SIN3A: variants seen among roughly 807,000 people sequenced by gnomAD.
SIN3A encodes paired amphipathic helix protein Sin3a.
Under a neutral mutation model 146.1 loss-of-function variants are expected in SIN3A, and 14 were observed. That is an observed-to-expected ratio of 0.10 (90% CI 0.06 to 0.15). The LOEUF (loss-of-function observed/expected upper bound fraction) is 0.15. Among genes scored for constraint, SIN3A ranks in the 10% least tolerant of loss-of-function variants. The pLI is 1.00. For missense variants in SIN3A, 1,028 were observed against 1,576.0 expected (o/e 0.65, Z 5.89); for synonymous variants, 572 against 572.0 (o/e 1.00, Z 0.00).
At chr15:75,397,088 T>C (rs2073318966) in intron 12 of SIN3A, among the ~76,000 whole-genome samples, 1 of 152,268 alleles carries the variant, frequency 6.6e-6, no homozygotes, top group South Asian at 2.1e-4. Flanking sequence ...TTCACTGTTG[T>C]AGCTGCGGGT....
chr15:75,442,634 A>T (rs927625041), intron 1 of SIN3A, among the ~76,000 whole-genome samples: 19 of 151,318 alleles, frequency 1.3e-4, no homozygotes, highest in African/African-American at 4.4e-4. Context: ...AAAAAAAAAA[A>T]AAAAAAAATT....
At chr15:75,452,237 G>A (rs912760900), upstream of SIN3A, among the ~76,000 whole-genome samples, 1 of 152,260 alleles carries the variant, frequency 6.6e-6, no homozygotes, top group African/African-American at 2.4e-5. Context: ...CCATTGGCCA[G>A]GGCGCCCGTC....
chr15:75,452,470 G>A (rs536366085), upstream of SIN3A, among the ~76,000 whole-genome samples: 1 of 152,320 alleles, frequency 6.6e-6, no homozygotes, highest in East Asian at 1.9e-4. Flanking sequence ...TCATCCTTCC[G>A]TCCAGTTATC....
At chr15:75,431,240 A>G (rs900784408) in intron 1 of SIN3A, among the ~76,000 whole-genome samples, 3 of 152,330 alleles carry the variant, frequency 2.0e-5, no homozygotes, top group Admixed American at 1.3e-4. Flanking sequence ...TAACTTCAAC[A>G]AGTTCCTCAT....
intron 17 of SIN3A, among the ~76,000 whole-genome samples, chr15:75,383,509 G>A (rs1030346592): frequency 1.9e-4 from 29 of 150,288 alleles, no homozygotes; most frequent in Admixed American, 6.0e-4. Context: ...CTGCAGCCTC[G>A]ACCTCCCAGG....
At chr15:75,429,637 A>G (rs1040680720) in intron 2 of SIN3A, among the ~76,000 whole-genome samples, 1 of 152,204 alleles carries the variant, frequency 6.6e-6, no homozygotes, top group Non-Finnish European at 1.5e-5. Flanking sequence ...ATGAATTGCC[A>G]CTGAGTGCAC....
upstream of SIN3A, among the ~76,000 whole-genome samples, chr15:75,452,546 C>T (rs2074427383): frequency 6.6e-6 from 1 of 152,246 alleles, no homozygotes; most frequent in Non-Finnish European, 1.5e-5. Context: ...CTGGCAACTC[C>T]TTTCAGCCAA....
At chr15:75,454,740 G>T (rs1360018539), upstream of SIN3A, among the ~76,000 whole-genome samples, 1 of 151,962 alleles carries the variant, frequency 6.6e-6, no homozygotes, top group South Asian at 2.1e-4. Context: ...CTCGCGGGAA[G>T]GGGGAGCCCG....
intron 1 of SIN3A, among the ~76,000 whole-genome samples, chr15:75,439,723 A>T (rs904428676): frequency 6.6e-6 from 1 of 152,110 alleles, no homozygotes; most frequent in Non-Finnish European, 1.5e-5. Context: ...ACTCTGACCT[A>T]AAGTTTTTTA....
At chr15:75,376,089 T>A (rs2072850163) in intron 19 of SIN3A, 1 of 588,868 alleles carries the variant, frequency 1.7e-6, no homozygotes, top group African/African-American at 1.9e-5. Flanking sequence ...CTACTTGACT[T>A]AGCAGATGTA....
intron 3 of SIN3A, among the ~76,000 whole-genome samples, chr15:75,416,792 T>C (rs1465277020): frequency 6.6e-6 from 1 of 152,224 alleles, no homozygotes; most frequent in Non-Finnish European, 1.5e-5. Context: ...TGGTTACCAA[T>C]ATGTCAGGCA....
chr15:75,453,992 AC>A (rs1760670325), upstream of SIN3A: 1 of 152,190 alleles, frequency 6.6e-6, no homozygotes, highest in Non-Finnish European at 1.5e-5. Flanking sequence ...GGCGGGCCTC[AC>A]ACATGTGCGG....
At position 75,375,677 on chromosome 15, in the gene SIN3A, G is replaced by C. The variant is rs777090934; in HGVS notation, c.3579C>G (p.Leu1193=). Residue 1193 remains leucine, a synonymous_variant, in exon 20 of 21, where the codon CTC becomes CTG. Coordinates refer to ENST00000394947, the MANE Select transcript of SIN3A (RefSeq NM_001145358.2). ...TACTGGTTCTCACCTGATGAGCCCGGAGCAGGGCGGTCCTCCGATACATAT... is the reference window on the plus strand; with the variant it reads ...TACTGGTTCTCACCTGATGAGCCCGCAGCAGGGCGGTCCTCCGATACATAT... ...EDYMYRRTAL[L]RAHQSHERVS... 6.2e-7 allele frequency: 1 copy of C among 1,613,916 alleles called. No homozygotes were observed. The highest frequency in any genetic ancestry group is 8.5e-7 in the Non-Finnish European group (1 of 1,179,922).
At chr15:75,449,831 A>G (rs1031166799) in intron 1 of SIN3A, among the ~76,000 whole-genome samples, 9 of 152,220 alleles carry the variant, frequency 5.9e-5, no homozygotes, top group Non-Finnish European at 1.0e-4. Flanking sequence ...CCCAGGCTAC[A>G]GTGCAATGGC....
intron 10 of SIN3A, 84 bp downstream of exon 10, chr15:75,401,768 C>CTT: frequency 2.4e-6 from 2 of 835,888 alleles, no homozygotes; most frequent in South Asian, 3.0e-5. Context: ...AGTAAATTAA[C>CTT]TTTGCCTATC....
At chr15:75,380,865 A>G (rs1358409444) in intron 18 of SIN3A, 142 bp from the exon 19 acceptor site, 13 of 631,348 alleles carry the variant, frequency 2.1e-5, no homozygotes, top group Non-Finnish European at 3.4e-5. Context: ...CTATAAAGAC[A>G]TGATTGTTAG....
chr15:75,392,610 C>A lies in SIN3A; in HGVS notation c.2483G>T (p.Arg828Ile), dbSNP rs1422517841. 1.2e-6 allele frequency: 2 copies of A among 1,614,052 alleles called. No individual in the cohort carries two copies. The highest frequency in any genetic ancestry group is 1.7e-6 in the Non-Finnish European group (2 of 1,180,040). ...HFIPDLLFAQ[R>I]GDLSDVEEEE... ...TTCCTCCACATCTGAGAGATCACCTCTTTGGGCAAAGAGCAAATCTGGAAT... is the reference window on the plus strand; with the variant it reads ...TTCCTCCACATCTGAGAGATCACCTATTTGGGCAAAGAGCAAATCTGGAAT... Residue 828 changes from arginine (R) to isoleucine (I), a missense_variant, in exon 15 of 21, where the codon AGA becomes ATA. Physicochemically the swap from Arg to Ile is moderately conservative, Grantham distance 97. Around this residue, in one of 9 missense-constraint regions of SIN3A, gnomAD observed 488 missense variants for 690.2 expected, o/e 0.71. Coordinates refer to ENST00000394947, the MANE Select transcript of SIN3A (RefSeq NM_001145358.2).
At chr15:75,376,565 T>TA (rs1205089322) in intron 19 of SIN3A, among the ~76,000 whole-genome samples, 4 of 152,078 alleles carry the variant, frequency 2.6e-5, no homozygotes, top group Admixed American at 2.6e-4. Flanking sequence ...AACTTGCTAT[T>TA]AAAAACACTG....
intron 14 of SIN3A, among the ~76,000 whole-genome samples, chr15:75,394,114 A>G (rs1478403572): frequency 6.6e-6 from 1 of 152,110 alleles, no homozygotes. Context: ...GGCCTGATTA[A>G]GTTCACATAA....
Sources: gnomAD v4.1 joint callset for allele counts (sites outside exome capture counted in the v4.1 genomes callset) on GRCh38, gnomAD v4.1.1 for gene constraint, gnomAD v4.1.1 regional missense constraint, MANE v1.5 for transcripts, NCBI Gene and HGNC (gene_info 2026-07-23, HGNC 2026-07-21) for gene names.